Variants in PLCB1 observed in about 807,000 individuals in gnomAD.
PLCB1 encodes phospholipase C beta 1, also known as 1-phosphatidylinositol 4,5-bisphosphate phosphodiesterase beta-1.
Under a neutral mutation model 161.8 loss-of-function variants are expected in PLCB1, and 46 were observed. The observed-to-expected ratio is 0.28, with a 90% CI of 0.22 to 0.36. PLCB1 has a LOEUF of 0.36. Among genes scored for constraint, PLCB1 ranks in the 10% least tolerant of loss-of-function variants. The probability of loss-of-function intolerance (pLI) is 1.00; values close to 1 mark genes in which losing one functional copy is unlikely to be tolerated. For missense variants in PLCB1, 1,016 were observed against 1,472.5 expected (o/e 0.69, Z 5.07); for synonymous variants, 517 against 503.7 (o/e 1.03, Z -0.35).
chr20:8,199,617 T>A (rs1184602538), intron 2 of PLCB1, among the ~76,000 whole-genome samples: 1 of 152,148 alleles, frequency 6.6e-6, no homozygotes, highest in African/African-American at 2.4e-5. Flanking sequence ...TTAGTTTGTA[T>A]GTGAGATTCT....
rs1453076173 is a variant in PLCB1 at position 8,717,586 on chromosome 20, T to A, written c.1336-85T>A. On this transcript the variant is annotated intron_variant, in intron 13 of 31. Transcript: ENST00000338037. ...GTAGGGAAGAAGTCTAGACATTTGGTATCCACAGCTGATCTGGGGGTCTGG... is the reference window on the plus strand; with the variant it reads ...GTAGGGAAGAAGTCTAGACATTTGGAATCCACAGCTGATCTGGGGGTCTGG... 3 of 987,932 alleles carry A rather than the reference T, an allele frequency of 3.0e-6. No individual in the cohort carries two copies. In the East Asian group the frequency reaches 7.2e-5, roughly 24 times the overall value. The allele number at this position is 987,932 out of a possible 1,614,324, so 61.2% of individuals were successfully genotyped here. A position where few individuals can be genotyped will look rare whatever the true frequency, so the allele number is the denominator to read the frequency against.
intron 3 of PLCB1, among the ~76,000 whole-genome samples, chr20:8,497,089 A>G (rs890181265): frequency 1.3e-5 from 2 of 152,200 alleles, no homozygotes; most frequent in Non-Finnish European, 2.9e-5. Context: ...TATGTGTCTA[A>G]GGAATTTGAT....
intron 2 of PLCB1, among the ~76,000 whole-genome samples, chr20:8,205,920 T>C (rs1978501897): frequency 6.6e-6 from 1 of 151,896 alleles, no homozygotes. Flanking sequence ...AAATTATCCA[T>C]GATAAAAATG....
chr20:8,757,892 T>C (rs548121423), intron 24 of PLCB1, among the ~76,000 whole-genome samples: 56 of 138,432 alleles, frequency 4.0e-4, no homozygotes, highest in Non-Finnish European at 7.0e-4. Context: ...AATAAATAAA[T>C]AAAATAAAAA....
intron 10 of PLCB1, among the ~76,000 whole-genome samples, chr20:8,688,226 C>G (rs891365086): frequency 6.6e-6 from 1 of 152,140 alleles, no homozygotes; most frequent in Non-Finnish European, 1.5e-5. Context: ...ATTGTAGATT[C>G]TGGATATTAG....
intron 23 of PLCB1, among the ~76,000 whole-genome samples, chr20:8,744,652 A>AAATAAAATAT: frequency 6.8e-6 from 1 of 146,510 alleles, no homozygotes; most frequent in Non-Finnish European, 1.5e-5. Context: ...AAATAAAATA[A>AAATAAAATAT]AATAAAAAAA....
intron 31 of PLCB1, among the ~76,000 whole-genome samples, chr20:8,812,999 G>A (rs1471800402): frequency 1.3e-5 from 2 of 152,168 alleles, no homozygotes; most frequent in Non-Finnish European, 2.9e-5. Flanking sequence ...CAGGGACTGT[G>A]GTAGGCAGTG....
At chr20:8,630,231 C>T (rs1457429873) in intron 4 of PLCB1, among the ~76,000 whole-genome samples, 3 of 151,672 alleles carry the variant, frequency 2.0e-5, no homozygotes, top group East Asian at 1.9e-4. Context: ...GGACTACAGG[C>T]GCATGCCACC....
intron 2 of PLCB1, among the ~76,000 whole-genome samples, chr20:8,352,256 C>T (rs534014558): frequency 3.9e-4 from 60 of 152,122 alleles, no homozygotes; most frequent in African/African-American, 1.4e-3. Context: ...TGTATAATTC[C>T]ATTTATATAA....
intron 26 of PLCB1, among the ~76,000 whole-genome samples, chr20:8,772,573 G>A (rs964611433): frequency 3.3e-5 from 5 of 152,234 alleles, no homozygotes; most frequent in Non-Finnish European, 7.3e-5. Flanking sequence ...AGCTACCTCT[G>A]CTAGAGTGGT....
At chr20:8,590,706 G>T (rs1458738544) in intron 3 of PLCB1, among the ~76,000 whole-genome samples, 1 of 152,118 alleles carries the variant, frequency 6.6e-6, no homozygotes, top group Non-Finnish European at 1.5e-5. Flanking sequence ...AGATTAGGCT[G>T]AGTCCTTCTC....
intron 2 of PLCB1, among the ~76,000 whole-genome samples, chr20:8,181,692 T>A (rs1202819818): frequency 1.3e-5 from 2 of 152,160 alleles, no homozygotes; most frequent in Non-Finnish European, 2.9e-5. Context: ...TAGCTACCAC[T>A]GGCTGTTCGT....
At chr20:8,564,029 C>T (rs192186747) in intron 3 of PLCB1, among the ~76,000 whole-genome samples, 35 of 152,118 alleles carry the variant, frequency 2.3e-4, no homozygotes, top group Admixed American at 3.9e-4. Context: ...AAAGAGCCCA[C>T]GTAGCCAAGA....
chr20:8,363,820 A>G (rs1986620516), intron 2 of PLCB1, among the ~76,000 whole-genome samples: 1 of 152,212 alleles, frequency 6.6e-6, no homozygotes, highest in Non-Finnish European at 1.5e-5. Context: ...AGTAGTCAAT[A>G]GTAGTCATAA....
At chr20:8,415,446 GA>G (rs1197130262) in intron 3 of PLCB1, among the ~76,000 whole-genome samples, 1 of 152,170 alleles carries the variant, frequency 6.6e-6, no homozygotes, top group African/African-American at 2.4e-5. Flanking sequence ...TCTTAATTTG[GA>G]ATCCTGCAAA....
At chr20:8,681,084 G>GTGTGTGTGTA (rs1555782771) in intron 9 of PLCB1, among the ~76,000 whole-genome samples, 6 of 39,788 alleles carry the variant, frequency 1.5e-4, no homozygotes, top group African/African-American at 6.1e-4. Flanking sequence ...ATATGTGTGT[G>GTGTGTGTGTA]TGTATATATA....
At chr20:8,259,470 G>A (rs762826024) in intron 2 of PLCB1, among the ~76,000 whole-genome samples, 1 of 152,102 alleles carries the variant, frequency 6.6e-6, no homozygotes, top group South Asian at 2.1e-4. Context: ...ATAAGAAGTA[G>A]CCAGGCATGG....
rs1239822406 is a variant in PLCB1 at position 8,739,132 on chromosome 20, C to T, written c.2209-129C>T. 8 of 674,406 alleles carry T rather than the reference C, an allele frequency of 1.2e-5. No homozygotes were observed. In the East Asian group the frequency reaches 2.2e-4, roughly 18 times the overall value. The allele number at this position is 674,406 out of a possible 1,614,324, so 41.8% of individuals were successfully genotyped here. A position where few individuals can be genotyped will look rare whatever the true frequency, so the allele number is the denominator to read the frequency against. ...CGCCACTGCACTTCAGCCTGGGTGA[C>T]ACAGCAAGACTCTATCTCAAAAAAA... On this transcript the variant is annotated intron_variant, in intron 20 of 31. Transcript: ENST00000338037.
intron 3 of PLCB1, among the ~76,000 whole-genome samples, chr20:8,382,505 G>A (rs897282093): frequency 2.7e-5 from 4 of 148,590 alleles, no homozygotes; most frequent in East Asian, 4.0e-4. Flanking sequence ...GGATGGTCTC[G>A]ATCTCCTGAC....
Sources: gnomAD v4.1 joint callset for allele counts (sites outside exome capture counted in the v4.1 genomes callset) on GRCh38, gnomAD v4.1.1 for gene constraint, MANE v1.5 for transcripts, NCBI Gene and HGNC (gene_info 2026-07-23, HGNC 2026-07-21) for gene names.